The following SGCZ variants were observed in gnomAD, a reference collection of about 807,000 sequenced individuals.
The protein encoded by SGCZ is zeta-sarcoglycan.
In SGCZ, 40 loss-of-function variants were observed where a neutral mutation model predicts 41.3. The observed-to-expected ratio is 0.97, with a 90% CI of 0.75 to 1.26. The LOEUF is 1.26. Ranked by LOEUF, SGCZ falls within the 50% of genes most tolerant of loss-of-function variation. SGCZ has a pLI of 0.00. For missense variants in SGCZ, 552 were observed against 369.8 expected, an observed-to-expected ratio of 1.49 and a Z score of -4.04; for synonymous variants, 206 against 137.5, an observed-to-expected ratio of 1.50 and a Z score of -3.49.
chr8:14,700,690 T>C (rs920319859), intron 1 of SGCZ, among the ~76,000 whole-genome samples: 3 of 152,052 alleles, frequency 2.0e-5, no homozygotes, highest in African/African-American at 7.2e-5. Context: ...TTAGGAAATA[T>C]GTTCATGTTC....
intron 6 of SGCZ, among the ~76,000 whole-genome samples, chr8:14,103,943 GAT>G (rs1802122109): frequency 6.6e-6 from 1 of 152,082 alleles, no homozygotes; most frequent in African/African-American, 2.4e-5. Flanking sequence ...GATTTTCCCT[GAT>G]ACACAACCCT....
At chr8:14,473,274 C>G (rs975706032) in intron 2 of SGCZ, among the ~76,000 whole-genome samples, 11 of 151,990 alleles carry the variant, frequency 7.2e-5, no homozygotes, top group Admixed American at 3.9e-4. Context: ...AAAATTGTAA[C>G]TATTTTCACA....
At chr8:15,110,922 C>T (rs139859876) in intron 1 of SGCZ, among the ~76,000 whole-genome samples, 165 of 152,094 alleles carry the variant, frequency 1.1e-3, no homozygotes, top group African/African-American at 3.8e-3. Flanking sequence ...GAGCTGAGGT[C>T]GCGCCATTGC....
chr8:15,021,499 T>G (rs573091878), intron 1 of SGCZ, among the ~76,000 whole-genome samples: 2 of 152,064 alleles, frequency 1.3e-5, no homozygotes, highest in Non-Finnish European at 2.9e-5. Context: ...AACTTATAAG[T>G]CAAAAAGGGA....
At chr8:14,711,232 T>C (rs1809504324) in intron 1 of SGCZ, among the ~76,000 whole-genome samples, 1 of 152,086 alleles carries the variant, frequency 6.6e-6, no homozygotes, top group Admixed American at 6.6e-5. Context: ...TGAAAGTTAT[T>C]TTTTCTTAAA....
At chr8:14,810,097 A>C (rs990818775) in intron 1 of SGCZ, among the ~76,000 whole-genome samples, 1 of 152,094 alleles carries the variant, frequency 6.6e-6, no homozygotes, top group Non-Finnish European at 1.5e-5. Flanking sequence ...TCAGTGCTGA[A>C]GGTAAGGAAG....
chr8:14,978,206 A>T (rs994689786), intron 1 of SGCZ, among the ~76,000 whole-genome samples: 44 of 147,680 alleles, frequency 3.0e-4, no homozygotes, highest in Non-Finnish European at 4.2e-4. Context: ...GGTGGCTCAC[A>T]CCTGTAATCC....
At chr8:14,551,491 A>ATATATAT (rs1272295919) in intron 2 of SGCZ, among the ~76,000 whole-genome samples, 45 of 3,694 alleles carry the variant, frequency 0.012, 6 homozygotes, top group South Asian at 0.023. Context: ...TATATATATT[A>ATATATAT]TATATATTAT....
chr8:14,438,746 G>C (rs893831583), intron 2 of SGCZ, among the ~76,000 whole-genome samples: 18 of 151,804 alleles, frequency 1.2e-4, no homozygotes, highest in African/African-American at 4.4e-4. Flanking sequence ...CTGAGAAATA[G>C]CTTAAAATAT....
In SGCZ at chr8:14,766,056, G is replaced by A. The variant is rs796381230; in HGVS notation, c.40-211130C>T. On this transcript the variant is annotated intron_variant, in intron 1 of 7. Transcript: ENST00000382080. ...CGGCTCACTGCAACCTCCACCTCCC[G>A]GGTTCAAGCAATTCTCCTGCCTCAG... Among the ~76,000 whole-genome samples the A allele has an allele frequency of 1.3e-4, 19 of 150,424 alleles. 2 individuals are homozygous for A. Among genetic ancestry groups the A allele is most frequent in the South Asian group, 4.2e-4 (2 of 4,744 alleles).
chr8:14,943,553 A>G (rs1800345009), intron 1 of SGCZ, among the ~76,000 whole-genome samples: 1 of 152,148 alleles, frequency 6.6e-6, no homozygotes, highest in Admixed American at 6.6e-5. Flanking sequence ...AGAAAAAGCA[A>G]TGCATTGCCT....
intron 3 of SGCZ, chr8:14,319,537 A>T (rs1672987426): frequency 6.6e-6 from 1 of 152,162 alleles, no homozygotes; most frequent in African/African-American, 2.4e-5. Flanking sequence ...AATAAAACAA[A>T]TCAAAACTAG....
At chr8:14,530,173 A>C (rs1032256288) in intron 2 of SGCZ, among the ~76,000 whole-genome samples, 2 of 152,022 alleles carry the variant, frequency 1.3e-5, no homozygotes, top group Admixed American at 6.6e-5. Context: ...GTAAAATTAC[A>C]TATCTATTCT....
chr8:14,818,056 G>C (rs1801960337), intron 1 of SGCZ, among the ~76,000 whole-genome samples: 2 of 152,092 alleles, frequency 1.3e-5, no homozygotes, highest in Admixed American at 1.3e-4. Flanking sequence ...GTGCCATGAA[G>C]CCATCCGGCC....
Position 14,164,570 on chromosome 8 carries a change from T to A in SGCZ, c.547+10A>T, listed in dbSNP as rs1804149016. 4 of 1,612,906 alleles carry A rather than the reference T, an allele frequency of 2.5e-6. No homozygotes were observed. Among genetic ancestry groups the A allele is most frequent in the Admixed American group, 3.3e-5 (2 of 59,880 alleles). On this transcript the variant is annotated intron_variant, in intron 5 of 7. Coordinates refer to ENST00000382080, the MANE Select transcript of SGCZ (RefSeq NM_139167.4). ...AGTAAACAATTTTTCAAGACCTCCA[T>A]CTACAGTACCTGTAACTTTCAGCTT...
chr8:14,628,242 G>A (rs1051738481), intron 1 of SGCZ, among the ~76,000 whole-genome samples: 1 of 152,032 alleles, frequency 6.6e-6, no homozygotes, highest in Non-Finnish European at 1.5e-5. Flanking sequence ...TCTTGATCAT[G>A]AAAAAGCTTG....
intron 1 of SGCZ, among the ~76,000 whole-genome samples, chr8:15,152,439 T>C (rs1799205988): frequency 6.6e-6 from 1 of 152,154 alleles, no homozygotes. Context: ...AGAAACAAGG[T>C]GTTAGAACAG....
At chr8:14,383,961 CT>C (rs890083735) in intron 2 of SGCZ, among the ~76,000 whole-genome samples, 1 of 150,544 alleles carries the variant, frequency 6.6e-6, no homozygotes, top group Admixed American at 6.6e-5. Context: ...TCTTTTTTTT[CT>C]TTTTTTAAAT....
intron 2 of SGCZ, among the ~76,000 whole-genome samples, chr8:14,441,001 C>G (rs563411466): frequency 2.0e-5 from 3 of 151,874 alleles, no homozygotes; most frequent in African/African-American, 7.3e-5. Context: ...TGTGTGATTG[C>G]GTTGACTGAG....
Sources: allele counts gnomAD v4.1 joint callset (sites outside exome capture counted in the v4.1 genomes callset), GRCh38; gene constraint gnomAD v4.1.1; transcripts MANE v1.5; gene names NCBI Gene and HGNC (gene_info 2026-07-23, HGNC 2026-07-21).